The following NTM variants were observed in gnomAD, a reference collection of about 807,000 sequenced individuals.
NTM encodes the protein neurotrimin, also known as IgLON family member 2.
In NTM, 13 loss-of-function variants were observed where a neutral mutation model predicts 42.1. That is an observed-to-expected ratio of 0.31 (90% CI 0.20 to 0.49). The LOEUF (loss-of-function observed/expected upper bound fraction) is 0.49. NTM is among the 20% of genes least tolerant of loss of function. The probability of loss-of-function intolerance (pLI) is 0.99; values close to 1 mark genes in which losing one functional copy is unlikely to be tolerated. For synonymous variants in NTM, 187 were observed against 179.2 expected (o/e 1.04, Z -0.35); for missense variants, 373 against 452.8 (o/e 0.82, Z 1.60).
At chr11:131,800,525 C>A (rs556419501) in intron 1 of NTM, among the ~76,000 whole-genome samples, 2 of 152,344 alleles carry the variant, frequency 1.3e-5, no homozygotes, top group South Asian at 2.1e-4. Flanking sequence ...GAATACATAT[C>A]GCTTTGTTTA....
chr11:132,107,341 T>A (rs1015147905), intron 2 of NTM, among the ~76,000 whole-genome samples: 1 of 111,696 alleles, frequency 9.0e-6, no homozygotes, highest in African/African-American at 3.4e-5. Flanking sequence ...GATTTATCCT[T>A]TTTTTTTTTT....
chr11:132,231,558 A>T (rs1416295039), intron 4 of NTM, among the ~76,000 whole-genome samples: 1 of 152,216 alleles, frequency 6.6e-6, no homozygotes, highest in Non-Finnish European at 1.5e-5. Flanking sequence ...TAATACTATG[A>T]TCTAGGTTTT....
intron 2 of NTM, among the ~76,000 whole-genome samples, chr11:131,929,208 G>A (rs531863083): frequency 6.6e-6 from 1 of 152,320 alleles, no homozygotes; most frequent in South Asian, 2.1e-4. Flanking sequence ...GCCCTCCTAC[G>A]CAGGCCTTGA....
chr11:131,674,982 A>T (rs1237490524), intron 1 of NTM, among the ~76,000 whole-genome samples: 11 of 152,288 alleles, frequency 7.2e-5, no homozygotes, highest in Non-Finnish European at 1.3e-4. Flanking sequence ...CCAAAGTCCC[A>T]TTTCCTGCAT....
chr11:132,101,598 A>T (rs1033076365), intron 2 of NTM, among the ~76,000 whole-genome samples: 3 of 135,570 alleles, frequency 2.2e-5, no homozygotes, highest in African/African-American at 8.7e-5. Context: ...GTTTGAATGT[A>T]TGTGAATATC....
intron 1 of NTM, among the ~76,000 whole-genome samples, chr11:131,493,311 C>T (rs1244248374): frequency 6.7e-6 from 1 of 148,990 alleles, no homozygotes; most frequent in East Asian, 1.9e-4. Context: ...TAATGTCCAC[C>T]GTGTTTTAAG....
At chr11:131,884,029 A>G (rs530197911) in intron 1 of NTM, among the ~76,000 whole-genome samples, 1 of 152,344 alleles carries the variant, frequency 6.6e-6, no homozygotes, top group East Asian at 1.9e-4. Context: ...GAGCTATTCT[A>G]AGCCCTTCAC....
intron 2 of NTM, among the ~76,000 whole-genome samples, chr11:131,946,539 C>T (rs1270616239): frequency 6.6e-6 from 1 of 152,166 alleles, no homozygotes; most frequent in Non-Finnish European, 1.5e-5. Flanking sequence ...AGCTAGAGTT[C>T]AGTGTTTTAA....
intron 1 of NTM, among the ~76,000 whole-genome samples, chr11:131,864,607 G>A (rs1424337178): frequency 2.0e-5 from 3 of 152,176 alleles, no homozygotes; most frequent in Non-Finnish European, 2.9e-5. Context: ...GGGAGAATAA[G>A]AGTAGCAATA....
chr11:132,203,976 A>C (rs966415256), intron 3 of NTM, among the ~76,000 whole-genome samples: 1 of 152,060 alleles, frequency 6.6e-6, no homozygotes, highest in African/African-American at 2.4e-5. Flanking sequence ...AAGTTCCTTG[A>C]CTCCTCTGAG....
intron 1 of NTM, among the ~76,000 whole-genome samples, chr11:131,755,991 C>G (rs1163022194): frequency 6.6e-6 from 1 of 152,196 alleles, no homozygotes; most frequent in African/African-American, 2.4e-5. Flanking sequence ...TATCACTGTC[C>G]TAACTTCTGG....
chr11:131,840,044 G>C (rs2044033313), intron 1 of NTM, among the ~76,000 whole-genome samples: 1 of 152,138 alleles, frequency 6.6e-6, no homozygotes, highest in South Asian at 2.1e-4. Context: ...GGGAGTTCAG[G>C]TCAGGCCTTC....
chr11:131,609,501 G>A (rs1182752717), intron 1 of NTM, among the ~76,000 whole-genome samples: 1 of 152,188 alleles, frequency 6.6e-6, no homozygotes, highest in Non-Finnish European at 1.5e-5. Flanking sequence ...CTTTCATGCT[G>A]TGTGGTTTCC....
intron 2 of NTM, among the ~76,000 whole-genome samples, chr11:132,100,581 C>T (rs1344653275): frequency 2.0e-5 from 3 of 152,284 alleles, no homozygotes; most frequent in South Asian, 2.1e-4. Context: ...TCTTCATTTC[C>T]TTTGGCCCTG....
At chr11:132,058,087 G>A (rs765458034) in intron 2 of NTM, among the ~76,000 whole-genome samples, 1 of 152,106 alleles carries the variant, frequency 6.6e-6, no homozygotes, top group Admixed American at 6.6e-5. Flanking sequence ...CCTCTGATTT[G>A]AGTTGTTCTG....
At chr11:132,086,124 AC>A (rs1461213772) in intron 2 of NTM, among the ~76,000 whole-genome samples, 2 of 152,066 alleles carry the variant, frequency 1.3e-5, no homozygotes, top group African/African-American at 4.8e-5. Context: ...GGAGATCAAG[AC>A]CATCCTGGCT....
intron 4 of NTM, among the ~76,000 whole-genome samples, chr11:132,288,803 T>C (rs2094347446): frequency 6.6e-6 from 1 of 152,120 alleles, no homozygotes; most frequent in Non-Finnish European, 1.5e-5. Context: ...GTATTTTTAG[T>C]AGAGACGGGG....
intron 1 of NTM, among the ~76,000 whole-genome samples, chr11:131,473,714 C>T (rs1952659496): frequency 6.6e-6 from 1 of 152,102 alleles, no homozygotes. Flanking sequence ...GGGGCTCACT[C>T]TCTCTCCTGT....
chr11:132,173,633 G>A (rs929314280), intron 3 of NTM, among the ~76,000 whole-genome samples: 3 of 152,198 alleles, frequency 2.0e-5, no homozygotes, highest in Admixed American at 6.5e-5. Flanking sequence ...GCTTGATCAA[G>A]CAGTTTCCCT....
Sources: allele counts gnomAD v4.1 joint callset (sites outside exome capture counted in the v4.1 genomes callset), GRCh38; gene constraint gnomAD v4.1.1; transcripts MANE v1.5; gene names NCBI Gene and HGNC (gene_info 2026-07-23, HGNC 2026-07-21).